The following ST6GALNAC3 variants were observed in gnomAD, a reference collection of about 807,000 sequenced individuals.
ST6GALNAC3 encodes the protein ST6 N-acetylgalactosaminide alpha-2,6-sialyltransferase 3.
Under a neutral mutation model 32.7 loss-of-function variants are expected in ST6GALNAC3, and 25 were observed. The observed-to-expected ratio is 0.76, with a 90% CI of 0.56 to 1.07. ST6GALNAC3 has a LOEUF of 1.07. ST6GALNAC3 is among the 50% of genes least tolerant of loss of function. ST6GALNAC3 has a pLI of 0.00. For synonymous variants in ST6GALNAC3, 129 were observed against 133.1 expected (o/e 0.97, Z 0.21); for missense variants, 355 against 382.4 (o/e 0.93, Z 0.60).
rs537541455 is a variant in ST6GALNAC3 at position 76,525,815 on chromosome 1, A to G, written c.624-101637A>G. ...TGTATATATATATATATATATATAT[A>G]TATATATATATATGACCGTTTTGCA... On this transcript the variant is annotated intron_variant, in intron 3 of 4. Coordinates refer to ENST00000328299, the MANE Select transcript of ST6GALNAC3 (RefSeq NM_152996.4). 4.1e-3 allele frequency among the ~76,000 whole-genome samples: 443 copies of G among 107,846 alleles called. 28 individuals carry two copies. The East Asian group carries it at 0.074, about 18-fold the overall frequency. 70.8% of individuals were successfully genotyped at this position (107,846 alleles called of 152,430 possible).
intron 3 of ST6GALNAC3, among the ~76,000 whole-genome samples, chr1:76,574,709 A>C (rs1373781146): frequency 1.3e-5 from 2 of 152,114 alleles, no homozygotes; most frequent in African/African-American, 2.4e-5. Context: ...TCAAAGTTCA[A>C]ATTGCCAGAA....
chr1:76,437,728 C>T (rs2101484274), intron 3 of ST6GALNAC3, among the ~76,000 whole-genome samples: 1 of 151,902 alleles, frequency 6.6e-6, no homozygotes, highest in Admixed American at 6.5e-5. Flanking sequence ...CAGGCACGCA[C>T]CACTACGCCC....
intron 1 of ST6GALNAC3, among the ~76,000 whole-genome samples, chr1:76,184,980 A>C (rs1423792409): frequency 6.6e-6 from 1 of 152,230 alleles, no homozygotes; most frequent in Non-Finnish European, 1.5e-5. Flanking sequence ...CCACTCTGAC[A>C]ACGAAGTGCC....
chr1:76,161,590 G>C (rs1345424754), intron 1 of ST6GALNAC3, among the ~76,000 whole-genome samples: 1 of 152,186 alleles, frequency 6.6e-6, no homozygotes, highest in Non-Finnish European at 1.5e-5. Flanking sequence ...ACTCTACTGA[G>C]ATCTAAATTT....
intron 3 of ST6GALNAC3, among the ~76,000 whole-genome samples, chr1:76,515,709 G>T (rs1662134222): frequency 6.6e-6 from 1 of 152,054 alleles, no homozygotes; most frequent in Non-Finnish European, 1.5e-5. Context: ...CCATGTATTT[G>T]TAAGATTTCC....
chr1:76,424,747 T>A (rs187472632), intron 3 of ST6GALNAC3, among the ~76,000 whole-genome samples: 31 of 152,102 alleles, frequency 2.0e-4, no homozygotes, highest in Admixed American at 1.9e-3. Context: ...TGATTCTTAA[T>A]ATTGGCTTCA....
intron 3 of ST6GALNAC3, among the ~76,000 whole-genome samples, chr1:76,419,509 T>G (rs1654879636): frequency 6.6e-6 from 1 of 152,190 alleles, no homozygotes; most frequent in African/African-American, 2.4e-5. Flanking sequence ...GACTTACTTC[T>G]CTCTTACAAT....
chr1:76,233,963 T>C (rs1310955822), intron 1 of ST6GALNAC3, among the ~76,000 whole-genome samples: 1 of 152,170 alleles, frequency 6.6e-6, no homozygotes, highest in Non-Finnish European at 1.5e-5. Flanking sequence ...AAAAGTGTCC[T>C]TAGAGGGACG....
intron 3 of ST6GALNAC3, among the ~76,000 whole-genome samples, chr1:76,414,035 A>G (rs1435548629): frequency 6.6e-6 from 1 of 152,032 alleles, no homozygotes; most frequent in Non-Finnish European, 1.5e-5. Flanking sequence ...TCATGTTTTT[A>G]TGTGTTTATT....
intron 2 of ST6GALNAC3, among the ~76,000 whole-genome samples, chr1:76,355,639 A>G (rs1649377723): frequency 6.6e-6 from 1 of 152,228 alleles, no homozygotes; most frequent in Non-Finnish European, 1.5e-5. Flanking sequence ...AACTTTAGGT[A>G]TCTATCACCG....
chr1:76,236,191 G>A (rs911919076), intron 1 of ST6GALNAC3, among the ~76,000 whole-genome samples: 17 of 152,054 alleles, frequency 1.1e-4, no homozygotes, highest in Admixed American at 2.6e-4. Flanking sequence ...CAGGTGATCC[G>A]CCCGCCTCGG....
In ST6GALNAC3 at chr1:76,513,184, G is replaced by A. The variant is rs145802144; in HGVS notation, c.623+100767G>A. On this transcript the variant is annotated intron_variant, in intron 3 of 4. Transcript: ENST00000328299. ...TGCTTTTGTGTCCTATGCTTTTGAG[G>A]TCTTATTTTTAAAATCCCTGCCATG... is the stretch of plus-strand genomic sequence containing the variant. 3.9e-3 allele frequency among the ~76,000 whole-genome samples: 596 copies of A among 151,966 alleles called. 5 individuals are homozygous for A. Among genetic ancestry groups the A allele is most frequent in the African/African-American group, 0.014 (564 of 41,462 alleles).
chr1:76,469,322 T>A (rs987508902), intron 3 of ST6GALNAC3, among the ~76,000 whole-genome samples: 1 of 152,068 alleles, frequency 6.6e-6, no homozygotes, highest in Non-Finnish European at 1.5e-5. Context: ...TATCTAATAG[T>A]ACAGAACATA....
intron 1 of ST6GALNAC3, among the ~76,000 whole-genome samples, chr1:76,274,630 T>C (rs1659033151): frequency 6.6e-6 from 1 of 152,194 alleles, no homozygotes; most frequent in African/African-American, 2.4e-5. Flanking sequence ...AGTCTAAACT[T>C]ATTAAATTCT....
In ST6GALNAC3 at chr1:76,513,918, A is replaced by G. The variant is rs140062896; in HGVS notation, c.623+101501A>G. 2.0e-4 allele frequency among the ~76,000 whole-genome samples: 30 copies of G among 152,270 alleles called. 1 individual carries two copies. The highest frequency in any genetic ancestry group is 5.3e-4 in the African/African-American group (22 of 41,566). On this transcript the variant is annotated intron_variant, in intron 3 of 4. Coordinates refer to ENST00000328299, the MANE Select transcript of ST6GALNAC3 (RefSeq NM_152996.4). The stretch of plus-strand genomic sequence containing the variant: ...CTAGACATCTTAATTTTTGGAAACT[A>G]TTGTAAATGGAATTGTTTTCCTGAA...
At chr1:76,220,176 G>A in intron 1 of ST6GALNAC3, among the ~76,000 whole-genome samples, 1 of 152,108 alleles carries the variant, frequency 6.6e-6, no homozygotes, top group East Asian at 1.9e-4. Context: ...TTCACCAGAA[G>A]TATGAAGACA....
chr1:76,363,817 GAAGA>G lies in ST6GALNAC3; in HGVS notation c.214-48190_214-48187del, dbSNP rs552311655. Among the ~76,000 whole-genome samples the G allele has an allele frequency of 3.3e-5, 5 of 152,258 alleles. No homozygotes were observed. In the South Asian group the frequency reaches 6.2e-4, roughly 19 times the overall value. ...GCACTTCACATGGCTGAAGCAGGAA[GAAGA>G]GAGAGAGGAGAGAGGTGCTACACAC... On this transcript the variant is annotated intron_variant, in intron 2 of 4. Coordinates refer to ENST00000328299, the MANE Select transcript of ST6GALNAC3 (RefSeq NM_152996.4).
At chr1:76,557,037 A>G (rs1452947605) in intron 3 of ST6GALNAC3, among the ~76,000 whole-genome samples, 3 of 150,640 alleles carry the variant, frequency 2.0e-5, no homozygotes, top group African/African-American at 7.3e-5. Context: ...TTTTGAGTTT[A>G]ATTTTGTGAA....
At chr1:76,464,501 G>A (rs1223429575) in intron 3 of ST6GALNAC3, among the ~76,000 whole-genome samples, 3 of 152,156 alleles carry the variant, frequency 2.0e-5, no homozygotes, top group African/African-American at 7.2e-5. Context: ...TAGTCTTACA[G>A]AATAGTAGGA....
Sources: gnomAD v4.1 joint callset for allele counts (sites outside exome capture counted in the v4.1 genomes callset) on GRCh38, gnomAD v4.1.1 for gene constraint, MANE v1.5 for transcripts, NCBI Gene and HGNC (gene_info 2026-07-23, HGNC 2026-07-21) for gene names.